The following ESR1 variants were observed in gnomAD, a reference collection of about 807,000 sequenced individuals.
ESR1 encodes estrogen receptor 1.
In ESR1, 12 loss-of-function variants were observed where a neutral mutation model predicts 52.7. That is an observed-to-expected ratio of 0.23 (90% CI 0.15 to 0.37). The LOEUF (loss-of-function observed/expected upper bound fraction) is 0.37, where lower values mean the gene tolerates loss of function less well. ESR1 is among the 10% of genes least tolerant of loss of function. ESR1 has a pLI of 1.00. For synonymous variants in ESR1, 305 were observed against 316.8 expected, an observed-to-expected ratio of 0.96 and a Z score of 0.39; for missense variants, 584 against 779.7, an observed-to-expected ratio of 0.75 and a Z score of 2.99.
At chr6:151,835,965 G>T (rs1424149873) in intron 1 of ESR1, among the ~76,000 whole-genome samples, 2 of 152,174 alleles carry the variant, frequency 1.3e-5, no homozygotes, top group Non-Finnish European at 2.9e-5. Context: ...TACATGAAAC[G>T]ACAAGGTATT....
At chr6:151,938,268 A>G (rs1285125453) in intron 3 of ESR1, among the ~76,000 whole-genome samples, 1 of 152,214 alleles carries the variant, frequency 6.6e-6, no homozygotes, top group Non-Finnish European at 1.5e-5. Flanking sequence ...AAATTTAAAA[A>G]TTAGAGTGCA....
At chr6:151,912,410 C>T (rs1327103813) in intron 3 of ESR1, among the ~76,000 whole-genome samples, 1 of 152,204 alleles carries the variant, frequency 6.6e-6, no homozygotes, top group African/African-American at 2.4e-5. Context: ...TCCCTAACTT[C>T]TTTTTGGTGC....
intron 4 of ESR1, among the ~76,000 whole-genome samples, chr6:151,950,360 G>A (rs73005961): frequency 3.3e-5 from 5 of 152,294 alleles, no homozygotes; most frequent in Non-Finnish European, 7.3e-5. Flanking sequence ...CTTCCAGGGG[G>A]ATTTGGCATG....
chr6:151,826,532 A>G (rs964525182), intron 1 of ESR1, among the ~76,000 whole-genome samples: 20 of 152,018 alleles, frequency 1.3e-4, no homozygotes, highest in African/African-American at 4.4e-4. Flanking sequence ...GCTCTAGAAA[A>G]CTCTGCTTTA....
At chr6:151,852,967 A>AT (rs1313191610) in intron 2 of ESR1, among the ~76,000 whole-genome samples, 1 of 151,712 alleles carries the variant, frequency 6.6e-6, no homozygotes, top group Non-Finnish European at 1.5e-5. Flanking sequence ...AGGTCAAGAG[A>AT]TTGAGACCAT....
At chr6:151,689,972 C>A (rs1778838062), upstream of ESR1, among the ~76,000 whole-genome samples, 1 of 152,060 alleles carries the variant, frequency 6.6e-6, no homozygotes, top group Admixed American at 6.6e-5. Flanking sequence ...AAATACCGGA[C>A]AGTTTATGGA....
chr6:151,972,203 CA>C (rs1261130865), intron 4 of ESR1, among the ~76,000 whole-genome samples: 1 of 152,126 alleles, frequency 6.6e-6, no homozygotes, highest in African/African-American at 2.4e-5. Flanking sequence ...CACAGATTCA[CA>C]GCTAAATTGT....
intron 1 of ESR1, among the ~76,000 whole-genome samples, chr6:151,699,917 A>G (rs1779640068): frequency 6.6e-6 from 1 of 152,136 alleles, no homozygotes; most frequent in South Asian, 2.1e-4. Context: ...ATAATATATA[A>G]CCAGAAAGTC....
chr6:151,806,557 T>TATATATATATACATAC (rs1554259008), upstream of ESR1, among the ~76,000 whole-genome samples: 1 of 133,790 alleles, frequency 7.5e-6, no homozygotes, highest in Non-Finnish European at 1.6e-5. Context: ...TATATATATA[T>TATATATATATACATAC]ACACATATAT....
chr6:152,105,710 G>C (rs1042170161), downstream of ESR1, among the ~76,000 whole-genome samples: 1 of 150,838 alleles, frequency 6.6e-6, no homozygotes. Context: ...ACAGGTGTGA[G>C]CCACTGGGCC....
At chr6:151,997,075 C>CA (rs2041554829) in intron 4 of ESR1, among the ~76,000 whole-genome samples, 3 of 145,676 alleles carry the variant, frequency 2.1e-5, no homozygotes, top group Admixed American at 1.3e-4. Flanking sequence ...CTGGCCAAAA[C>CA]AAAAACAAAA....
intron 6 of ESR1, among the ~76,000 whole-genome samples, chr6:152,113,397 G>A (rs2051170560): frequency 6.6e-6 from 1 of 152,150 alleles, no homozygotes; most frequent in African/African-American, 2.4e-5. Context: ...ACCTGGAAAG[G>A]GAGGGCCTGG....
rs2050877210 is a variant in ESR1 at position 152,099,292 on chromosome 6, T to C, written c.*326T>C. 2.2e-6 allele frequency: 1 copy of C among 454,322 alleles called. No individual in the cohort carries two copies. Among genetic ancestry groups the C allele is most frequent in the South Asian group, 2.3e-5 (1 of 43,864 alleles). 28.1% of individuals were successfully genotyped at this position (454,322 alleles called of 1,614,324 possible). ...TTGGGGCTCAGATAACTCTGTGCAT[T>C]TAAGCTACTTGTAGAGACCCAGGCC... On this transcript the variant is annotated 3_prime_UTR_variant, in exon 8 of 8. Coordinates refer to ENST00000206249, the MANE Select transcript of ESR1 (RefSeq NM_000125.4).
chr6:151,704,545 G>T (rs756047141), intron 2 of ESR1, among the ~76,000 whole-genome samples: 1 of 152,146 alleles, frequency 6.6e-6, no homozygotes, highest in African/African-American at 2.4e-5. Flanking sequence ...GTGAGCCAAC[G>T]CCCCTGGCCA....
intron 2 of ESR1, among the ~76,000 whole-genome samples, chr6:151,849,954 C>G (rs1785997685): frequency 7.6e-6 from 1 of 132,242 alleles, no homozygotes; most frequent in Admixed American, 8.0e-5. Flanking sequence ...TCATCCTTCT[C>G]TTTCCACCTA....
chr6:151,850,023 C>T (rs199666508), intron 2 of ESR1, among the ~76,000 whole-genome samples: 4,741 of 41,178 alleles, frequency 0.12, 389 homozygotes, highest in East Asian at 0.38. Flanking sequence ...TATATATATA[C>T]AAAATTATAT....
At chr6:151,857,381 A>T (rs371700768) in intron 2 of ESR1, among the ~76,000 whole-genome samples, 3 of 152,076 alleles carry the variant, frequency 2.0e-5, no homozygotes. Context: ...TTAAACATCT[A>T]TAGATTTTGG....
chr6:152,094,443 C>T lies in ESR1; in HGVS notation c.1428C>T (p.His476=), dbSNP rs1318735300. The change falls in exon 7 of 8, where the codon CAC becomes CAT. Residue 476 remains histidine (H), a synonymous_variant. Transcript: ENST00000206249. This position sits in a 1 kb window ranked among gnomAD's most constrained non-coding sequence, Gnocchi z 4.6. ...LKSLEEKDHI[H]RVLDKITDTL... The stretch of plus-strand genomic sequence containing the variant: ...CTCTGGAAGAGAAGGACCATATCCA[C>T]CGAGTCCTGGACAAGATCACAGACA... The T allele has an allele frequency of 1.2e-6, 2 of 1,614,196 alleles. No homozygotes were observed. The highest frequency in any genetic ancestry group is 1.7e-5 in the Admixed American group (1 of 60,032).
intron 1 of ESR1, among the ~76,000 whole-genome samples, chr6:151,664,624 T>C (rs1455317325): frequency 6.6e-6 from 1 of 152,208 alleles, no homozygotes; most frequent in Admixed American, 6.5e-5. Context: ...ACACAGCACC[T>C]GCCTGATGAA....
Sources: gnomAD v4.1 joint callset for allele counts (sites outside exome capture counted in the v4.1 genomes callset) on GRCh38, gnomAD v4.1.1 for gene constraint, Gnocchi (gnomAD v3.1) non-coding constraint, MANE v1.5 for transcripts, NCBI Gene and HGNC (gene_info 2026-07-23, HGNC 2026-07-21) for gene names.